NOL6: variants seen among roughly 807,000 people sequenced by gnomAD.
NOL6 encodes nucleolar RNA-associated protein.
Under a neutral mutation model 131.7 loss-of-function variants are expected in NOL6, and 33 were observed. That is an observed-to-expected ratio of 0.25 (90% CI 0.19 to 0.33). The LOEUF (loss-of-function observed/expected upper bound fraction) is 0.33. NOL6 is among the 10% of genes least tolerant of loss of function. The pLI is 1.00. For missense variants in NOL6, 1,297 were observed against 1,494.5 expected (o/e 0.87, Z 2.18); for synonymous variants, 580 against 605.7 (o/e 0.96, Z 0.62).
intron 1 of NOL6, 170 bp from the exon 2 acceptor site, chr9:33,472,582 C>T: frequency 1.6e-6 from 1 of 620,472 alleles, no homozygotes; most frequent in Non-Finnish European, 2.8e-6. Flanking sequence ...ATGAACATCA[C>T]TGAGCGCTGA....
In NOL6 at chr9:33,468,114, A is replaced by C; in HGVS notation, c.1340T>G (p.Leu447Trp). The change falls in exon 11 of 26, where the codon TTG (leucine) becomes TGG (tryptophan). Residue 447 changes from leucine to tryptophan, a missense_variant. By Grantham distance (61) the Leu-to-Trp change is moderately conservative (BLOSUM62 -2). Transcript: ENST00000297990. ...CCCGTCGTCAGCTCTGCTGTCCAGC[A>C]ACATCATAGACAGCCGTGCCTCATG... ...VQHEARLSMM[L>W]LDSRADDGFH... 1 of 1,614,186 alleles carries C rather than the reference A, an allele frequency of 6.2e-7. No individual in the cohort carries two copies. The highest frequency in any genetic ancestry group is 1.1e-5 in the South Asian group (1 of 91,088).
At chr9:33,465,635 A>G in intron 19 of NOL6, 99 bp downstream of exon 19, 1 of 1,328,014 alleles carries the variant, frequency 7.5e-7, no homozygotes, top group Non-Finnish European at 1.0e-6. Flanking sequence ...ACCCCTAACT[A>G]TGATACCATC....
At position 33,463,453 on chromosome 9, in the gene NOL6, GAGA is replaced by G. The variant is rs3064637; in HGVS notation, c.2995-15_2995-13del. Reference sequence around the variant, plus strand: ...GGCCGGAACACTGTCTAAGGAAGGGGAGAAGGAGGGGTCAGCAGGACCCCCTTG... The same window carrying G: ...GGCCGGAACACTGTCTAAGGAAGGGGAGGAGGGGTCAGCAGGACCCCCTTG... On this transcript the variant is annotated splice_polypyrimidine_tract_variant and intron_variant, in intron 23 of 25. Coordinates refer to ENST00000297990, the MANE Select transcript of NOL6 (RefSeq NM_022917.5). 0.067 allele frequency: 107,101 copies of G among 1,599,184 alleles called. 4,893 individuals are homozygous for G. Among genetic ancestry groups the G allele is most frequent in the African/African-American group, 0.23 (17,409 of 74,624 alleles).
chr9:33,469,633 C>T lies in NOL6; in HGVS notation c.593G>A (p.Arg198His), dbSNP rs201999292. Residue 198 changes from arginine (R) to histidine (H), a missense_variant, in exon 5 of 26, where the codon CGC becomes CAC. Arg to His is a conservative substitution (Grantham distance 29, BLOSUM62 0). Transcript: ENST00000297990. ...ILQDKDGLNQ[R>H]YFRKRALYLA... is the part of the protein sequence containing the mutation. ...GTAGAGGGCACGCTTGCGGAAGTAG[C>T]GCTGGTTCAGCCCGTCCTTGTCCTG... is the stretch of plus-strand genomic sequence containing the variant. 47 of 1,612,886 alleles carry T rather than the reference C, an allele frequency of 2.9e-5. No homozygotes were observed. Among genetic ancestry groups the T allele is most frequent in the Admixed American group, 5.0e-5 (3 of 59,592 alleles).
Position 33,462,314 on chromosome 9 carries a change from G to A in NOL6, c.*350C>T, listed in dbSNP as rs530348138. 2.4e-3 allele frequency: 1,674 copies of A among 695,780 alleles called. 5 individuals carry two copies. The highest frequency in any genetic ancestry group is 3.7e-3 in the Non-Finnish European group (1,388 of 374,938). The allele number at this position is 695,780 out of a possible 1,614,324, so 43.1% of individuals were successfully genotyped here. On this transcript the variant is annotated 3_prime_UTR_variant, in exon 26 of 26. Transcript: ENST00000297990. ...CTCCCAGGCACACATCCCCTTCTCT[G>A]TTTCTGGAAGAAGACTAAGAAAGGA...
chr9:33,464,621 T>C (rs374111052), intron 21 of NOL6, among the ~76,000 whole-genome samples: 1 of 152,016 alleles, frequency 6.6e-6, no homozygotes, highest in African/African-American at 2.4e-5. Context: ...GTATTCAGGA[T>C]CCCCCTTCTA....
At chr9:33,472,674 G>C in intron 1 of NOL6, 1 of 523,358 alleles carries the variant, frequency 1.9e-6, no homozygotes, top group East Asian at 3.5e-5. Context: ...GGTAGTGATA[G>C]AAGCTGACTG....
chr9:33,472,467 G>T (rs1827440516), intron 1 of NOL6, 55 bp from the exon 2 acceptor site: 2 of 1,391,106 alleles, frequency 1.4e-6, no homozygotes, highest in Admixed American at 1.9e-5. Flanking sequence ...AGCATCTGCT[G>T]CCTAAAGTGC....
intron 16 of NOL6, 58 bp from the exon 17 acceptor site, chr9:33,466,483 C>G: frequency 1.2e-6 from 2 of 1,612,096 alleles, no homozygotes; most frequent in South Asian, 2.2e-5. Flanking sequence ...TGCCCAGAGT[C>G]AGGAGTTGGA....
At chr9:33,471,135 G>T (rs1395498989) in intron 3 of NOL6, among the ~76,000 whole-genome samples, 1 of 152,084 alleles carries the variant, frequency 6.6e-6, no homozygotes, top group African/African-American at 2.4e-5. Context: ...AATTAGCCGG[G>T]TGTGATAATC....
chr9:33,471,079 C>A (rs1204901531), intron 3 of NOL6, among the ~76,000 whole-genome samples: 1 of 152,170 alleles, frequency 6.6e-6, no homozygotes, highest in Non-Finnish European at 1.5e-5. Flanking sequence ...TCAAAACTAA[C>A]CTGGCCAACA....
chr9:33,470,384 A>G, intron 3 of NOL6, 193 bp from the exon 4 acceptor site: 1 of 443,694 alleles, frequency 2.3e-6, no homozygotes, highest in Non-Finnish European at 3.8e-6. Flanking sequence ...ACCTTAACTT[A>G]GCTCTGTTAA....
rs774984088 is a variant in NOL6, at chr9:33,465,850, C to T, written c.2412G>A (p.Gln804=). The T allele has an allele frequency of 6.2e-7, 1 of 1,614,134 alleles. No homozygotes were observed. Among genetic ancestry groups the T allele is most frequent in the South Asian group, 1.1e-5 (1 of 91,088 alleles). ...RIRVAYQREP[Q]ILKEVQSPEG... is the part of the protein sequence containing the mutation. ...CTGGGCTCTGCACCTCCTTCAGGAT[C>T]TGGGGCTCCCGCTGATAGGCCACGC... The change falls in exon 19 of 26, where the codon CAG becomes CAA. Residue 804 remains glutamine (Q), a synonymous_variant. Transcript: ENST00000297990.
At chr9:33,473,242 A>G (rs766013926) in intron 1 of NOL6, among the ~76,000 whole-genome samples, 4 of 152,182 alleles carry the variant, frequency 2.6e-5, no homozygotes, top group Non-Finnish European at 5.9e-5. Flanking sequence ...CCTCAAAATA[A>G]TTCTTGAAGA....
rs571439472 is a variant in NOL6, at chr9:33,472,637, C to G, written c.55-225G>C. On this transcript the variant is annotated intron_variant, in intron 1 of 25. Transcript: ENST00000297990. ...AAGAGCTCTCCTGTCTACCTGACAC[C>G]ACAAGCATGGAGCTCTGTTTGGAAT... 173 of 575,712 alleles carry G rather than the reference C, an allele frequency of 3.0e-4. No homozygotes were observed. In the African/African-American group the frequency reaches 3.1e-3, roughly 10 times the overall value. 35.7% of individuals were successfully genotyped at this position (575,712 alleles called of 1,614,324 possible).
Position 33,465,321 on chromosome 9 carries a change from C to A in NOL6, c.2567G>T (p.Arg856Leu). The A allele has an allele frequency of 6.3e-7, 1 of 1,592,844 alleles. No individual in the cohort carries two copies. Among genetic ancestry groups the A allele is most frequent in the East Asian group, 2.3e-5 (1 of 43,980 alleles). Residue 856 changes from arginine (R) to leucine (L), a missense_variant, in exon 20 of 26, where the codon CGG (arginine) becomes CTG (leucine). Transcript: ENST00000297990. ...GGCACGCACCCACCGCTTGGCCAGC[C>A]GTGCCACACCAGAGAAGGCTGGGTG... ...QQHPAFSGVA[R>L]LAKRWVRAQL...
rs2119027239 is a variant in NOL6 at position 33,469,555 on chromosome 9, C to T, written c.671G>A (p.Cys224Tyr). The part of the protein sequence containing the change: ...LAQDPLFGSV[C>Y]FSYTNGCHLK... The stretch of plus-strand genomic sequence containing the variant: ...GTGGCAGCCATTTGTGTAGGAGAAG[C>T]AAACACTGCCAAAGAGGGGGTCCTG... The change falls in exon 5 of 26, where the codon TGC becomes TAC. Residue 224 changes from cysteine to tyrosine, a missense_variant. Physicochemically the swap from Cys to Tyr is radical, Grantham distance 194. Coordinates refer to ENST00000297990, the MANE Select transcript of NOL6 (RefSeq NM_022917.5). 1.2e-6 allele frequency: 2 copies of T among 1,608,860 alleles called. No individual in the cohort carries two copies. The highest frequency in any genetic ancestry group is 1.7e-6 in the Non-Finnish European group (2 of 1,178,520).
At chr9:33,473,647 C>T (rs1827474699) in intron 1 of NOL6, 142 bp downstream of exon 1, 1 of 878,596 alleles carries the variant, frequency 1.1e-6, no homozygotes, top group East Asian at 2.6e-5. Context: ...AGCCCTGTCT[C>T]AGTGCCACTG....
Position 33,466,560 on chromosome 9 carries a change from G to A in NOL6, c.2091+9C>T. The A allele has an allele frequency of 6.2e-7, 1 of 1,613,964 alleles. No individual in the cohort carries two copies. The highest frequency in any genetic ancestry group is 8.5e-7 in the Non-Finnish European group (1 of 1,179,902). ...AAGCAGAAAGGTCACCTGCACCGTTGCACCTCACCTCTGTGTAGCGCAGCA... is the reference window on the plus strand; with the variant it reads ...AAGCAGAAAGGTCACCTGCACCGTTACACCTCACCTCTGTGTAGCGCAGCA... On this transcript the variant is annotated intron_variant, in intron 16 of 25. Coordinates refer to ENST00000297990, the MANE Select transcript of NOL6 (RefSeq NM_022917.5).
Sources: allele counts gnomAD v4.1 joint callset (sites outside exome capture counted in the v4.1 genomes callset), GRCh38; gene constraint gnomAD v4.1.1; transcripts MANE v1.5; gene names NCBI Gene and HGNC (gene_info 2026-07-23, HGNC 2026-07-21).